Variants in NKAIN2 observed in about 807,000 individuals in gnomAD.
NKAIN2 encodes sodium/potassium-transporting ATPase subunit beta-1-interacting protein 2.
In NKAIN2, 14 loss-of-function variants were observed where a neutral mutation model predicts 32.6. The observed-to-expected ratio is 0.43, with a 90% CI of 0.28 to 0.67. NKAIN2 has a LOEUF of 0.67. NKAIN2 is among the 30% of genes least tolerant of loss of function. NKAIN2 has a pLI of 0.17. For synonymous variants in NKAIN2, 80 were observed against 87.2 expected (o/e 0.92, Z 0.46); for missense variants, 198 against 258.3 (o/e 0.77, Z 1.60).
At chr6:124,712,160 A>T (rs1562339157) in intron 4 of NKAIN2, among the ~76,000 whole-genome samples, 1 of 151,132 alleles carries the variant, frequency 6.6e-6, no homozygotes, top group Non-Finnish European at 1.5e-5. Flanking sequence ...CCACTTGAGG[A>T]GGCAGTCTGC....
intron 3 of NKAIN2, among the ~76,000 whole-genome samples, chr6:124,630,174 A>G (rs1234605016): frequency 6.6e-6 from 1 of 152,176 alleles, no homozygotes; most frequent in Non-Finnish European, 1.5e-5. Context: ...AAATAAATCC[A>G]GGCTCCATAC....
intron 1 of NKAIN2, among the ~76,000 whole-genome samples, chr6:124,001,800 A>AT (rs1779885959): frequency 7.4e-6 from 1 of 135,142 alleles, no homozygotes; most frequent in Non-Finnish European, 1.6e-5. Flanking sequence ...CTTAGTTCTA[A>AT]ATATATATAT....
chr6:124,657,431 C>T (rs1784580666), intron 3 of NKAIN2, among the ~76,000 whole-genome samples: 1 of 152,124 alleles, frequency 6.6e-6, no homozygotes, highest in African/African-American at 2.4e-5. Flanking sequence ...TGATTGCAAG[C>T]TCTCTGAGTG....
intron 1 of NKAIN2, among the ~76,000 whole-genome samples, chr6:124,189,931 T>C (rs1338798702): frequency 6.6e-6 from 1 of 152,222 alleles, no homozygotes; most frequent in Non-Finnish European, 1.5e-5. Flanking sequence ...TTGATGTCTG[T>C]ATTATCTTTT....
chr6:124,477,733 C>A (rs1777284006), intron 3 of NKAIN2, among the ~76,000 whole-genome samples: 1 of 61,964 alleles, frequency 1.6e-5, no homozygotes, highest in Non-Finnish European at 3.5e-5. Flanking sequence ...CTTCCCCCTC[C>A]CTCTCCTTCC....
intron 1 of NKAIN2, among the ~76,000 whole-genome samples, chr6:123,916,879 A>T (rs1199770066): frequency 2.0e-5 from 3 of 151,844 alleles, no homozygotes; most frequent in Non-Finnish European, 2.9e-5. Context: ...CTACCTACCT[A>T]CCTACCTCTC....
At chr6:124,794,180 G>A (rs1014600794) in intron 5 of NKAIN2, among the ~76,000 whole-genome samples, 1 of 152,122 alleles carries the variant, frequency 6.6e-6, no homozygotes, top group Non-Finnish European at 1.5e-5. Flanking sequence ...TCATTTTGTA[G>A]ATGTTAAAGC....
intron 1 of NKAIN2, among the ~76,000 whole-genome samples, chr6:124,074,439 C>G (rs1783598328): frequency 6.6e-6 from 1 of 152,182 alleles, no homozygotes; most frequent in Non-Finnish European, 1.5e-5. Context: ...GCCAACCTTG[C>G]AATCAGGCTT....
chr6:124,108,903 A>G lies in NKAIN2; in HGVS notation c.55-174102A>G, dbSNP rs148549841. Among the ~76,000 whole-genome samples the G allele has an allele frequency of 4.0e-4, 61 of 152,026 alleles. 1 individual carries two copies. In the East Asian group the frequency reaches 0.01, roughly 26 times the overall value. ...TTTTGTAATATTGGTTTATATGTCT[A>G]TCTTTATGCCAGTACCATACTATTT... On this transcript the variant is annotated intron_variant, in intron 1 of 6. Coordinates refer to ENST00000368417, the MANE Select transcript of NKAIN2 (RefSeq NM_001040214.3).
intron 1 of NKAIN2, among the ~76,000 whole-genome samples, chr6:123,981,804 G>A (rs1461773923): frequency 3.3e-5 from 5 of 152,126 alleles, no homozygotes; most frequent in Non-Finnish European, 7.4e-5. Context: ...TGAGATGTGA[G>A]TGTGTTGAGG....
chr6:124,372,652 T>C (rs1339315973), intron 3 of NKAIN2, among the ~76,000 whole-genome samples: 1 of 152,232 alleles, frequency 6.6e-6, no homozygotes, highest in Admixed American at 6.5e-5. Flanking sequence ...TGATTTTGCA[T>C]ATTCAATGTT....
intron 1 of NKAIN2, among the ~76,000 whole-genome samples, chr6:124,268,624 T>C (rs988499424): frequency 3.3e-5 from 5 of 152,052 alleles, no homozygotes; most frequent in African/African-American, 1.2e-4. Flanking sequence ...AGAAATGATA[T>C]GATGAGTTCA....
intron 1 of NKAIN2, among the ~76,000 whole-genome samples, chr6:124,176,921 T>A (rs1180416027): frequency 6.6e-6 from 1 of 152,114 alleles, no homozygotes; most frequent in East Asian, 1.9e-4. Flanking sequence ...TTTACCCATC[T>A]TATGTCTTGC....
intron 1 of NKAIN2, among the ~76,000 whole-genome samples, chr6:124,080,432 T>G (rs904498615): frequency 6.6e-6 from 1 of 152,120 alleles, no homozygotes; most frequent in Non-Finnish European, 1.5e-5. Flanking sequence ...CAGAGATATT[T>G]TTAAAGATTT....
At chr6:124,765,352 C>A (rs1466765008) in intron 4 of NKAIN2, among the ~76,000 whole-genome samples, 5 of 152,200 alleles carry the variant, frequency 3.3e-5, no homozygotes, top group Admixed American at 6.5e-5. Flanking sequence ...TTAGTGATTT[C>A]ACTGCATTTA....
intron 1 of NKAIN2, among the ~76,000 whole-genome samples, chr6:124,275,517 T>C (rs1794989793): frequency 6.6e-6 from 1 of 152,108 alleles, no homozygotes; most frequent in Non-Finnish European, 1.5e-5. Context: ...ATTTTCATCA[T>C]ATGTGAAAGG....
At chr6:124,654,278 T>C (rs1184384150) in intron 3 of NKAIN2, among the ~76,000 whole-genome samples, 1 of 152,046 alleles carries the variant, frequency 6.6e-6, no homozygotes, top group African/African-American at 2.4e-5. Context: ...TTATGGTAAA[T>C]GTAATTATTT....
At chr6:123,834,297 G>C (rs943670485) in intron 1 of NKAIN2, among the ~76,000 whole-genome samples, 1 of 152,066 alleles carries the variant, frequency 6.6e-6, no homozygotes, top group African/African-American at 2.4e-5. Flanking sequence ...TGGGATTACA[G>C]GCGTGTGCCA....
intron 1 of NKAIN2, among the ~76,000 whole-genome samples, chr6:123,860,341 A>G (rs1775738398): frequency 6.6e-6 from 1 of 152,198 alleles, no homozygotes; most frequent in Admixed American, 6.5e-5. Flanking sequence ...CAGTAATTAT[A>G]AGGCTGGGGA....
Sources: allele counts gnomAD v4.1 joint callset (sites outside exome capture counted in the v4.1 genomes callset), GRCh38; gene constraint gnomAD v4.1.1; transcripts MANE v1.5; gene names NCBI Gene and HGNC (gene_info 2026-07-23, HGNC 2026-07-21).